ZNF746: variants seen among roughly 807,000 people sequenced by gnomAD.
The protein encoded by ZNF746 is zinc finger protein 746.
Under a neutral mutation model 41.0 loss-of-function variants are expected in ZNF746, and 13 were observed. The observed-to-expected ratio is 0.32, with a 90% CI of 0.21 to 0.50. The LOEUF is 0.50. ZNF746 is among the 20% of genes least tolerant of loss of function. ZNF746 has a pLI of 0.98. For synonymous variants in ZNF746, 424 were observed against 396.2 expected, an observed-to-expected ratio of 1.07 and a Z score of -0.83; for missense variants, 811 against 922.9, an observed-to-expected ratio of 0.88 and a Z score of 1.57.
At chr7:149,481,797 A>C (rs1800492953) in intron 4 of ZNF746, among the ~76,000 whole-genome samples, 1 of 152,256 alleles carries the variant, frequency 6.6e-6, no homozygotes, top group Non-Finnish European at 1.5e-5. Flanking sequence ...AAGGAGAGGC[A>C]GGAAAAATAC....
chr7:149,496,489 C>G (rs183443219), intron 1 of ZNF746, among the ~76,000 whole-genome samples: 9 of 152,312 alleles, frequency 5.9e-5, no homozygotes, highest in Non-Finnish European at 1.3e-4. Context: ...CAAACCCCTT[C>G]TTAGTCTCTC....
At position 149,497,458 on chromosome 7, in the gene ZNF746, C is replaced by A; in HGVS notation, c.24+55G>T. The A allele has an allele frequency of 9.3e-7, 1 of 1,075,210 alleles. No individual in the cohort carries two copies. Among genetic ancestry groups the A allele is most frequent in the South Asian group, 4.2e-5 (1 of 23,846 alleles). The allele number at this position is 1,075,210 out of a possible 1,614,324, so 66.6% of individuals were successfully genotyped here. On this transcript the variant is annotated intron_variant, in intron 1 of 6. Transcript: ENST00000458143. This position sits in a 1 kb window ranked among gnomAD's most constrained non-coding sequence, Gnocchi z 4.2. ...GGCCTGCGGCGCCGTGTGCCGGGGCCGGGCCGCCTGGGGCCCCCAGGCCGC... is the reference window on the plus strand; with the variant it reads ...GGCCTGCGGCGCCGTGTGCCGGGGCAGGGCCGCCTGGGGCCCCCAGGCCGC...
chr7:149,487,291 A>G (rs1800657105), intron 4 of ZNF746, among the ~76,000 whole-genome samples: 1 of 152,236 alleles, frequency 6.6e-6, no homozygotes, highest in Non-Finnish European at 1.5e-5. Context: ...ATATTTTTAA[A>G]AAGGAGAAAA....
At chr7:149,487,109 T>C (rs370697294) in intron 4 of ZNF746, among the ~76,000 whole-genome samples, 1 of 152,122 alleles carries the variant, frequency 6.6e-6, no homozygotes, top group Non-Finnish European at 1.5e-5. Context: ...CGAACCCTAT[T>C]GTGAACTGTG....
rs1345840614 is a variant in ZNF746 at position 149,474,589 on chromosome 7, C to A, written c.1778G>T (p.Arg593Leu). 6.2e-7 allele frequency: 1 copy of A among 1,611,984 alleles called. No homozygotes were observed. Among genetic ancestry groups the A allele is most frequent in the Non-Finnish European group, 8.5e-7 (1 of 1,178,898 alleles). The change falls in exon 7 of 7, where the codon CGC (arginine) becomes CTC (leucine). Residue 593 changes from arginine to leucine, a missense_variant. Coordinates refer to ENST00000458143, the MANE Select transcript of ZNF746 (RefSeq NM_001394198.1). The surrounding 1 kb of genome is among the most constrained non-coding windows in gnomAD (Gnocchi z 6.3). ...CTGGTGCTTGCGGAGGTGGTCCTTGCGGATGAAGCTTTTGCCGCAGACGGT... is the reference window on the plus strand; with the variant it reads ...CTGGTGCTTGCGGAGGTGGTCCTTGAGGATGAAGCTTTTGCCGCAGACGGT... ...TCTVCGKSFI[R>L]KDHLRKHQRN... is the part of the protein sequence containing the mutation.
chr7:149,481,649 C>T (rs558892079), intron 4 of ZNF746, among the ~76,000 whole-genome samples: 8 of 151,910 alleles, frequency 5.3e-5, no homozygotes, highest in African/African-American at 1.9e-4. Context: ...TACCATCAGA[C>T]CCACAAAAAA....
chr7:149,492,697 A>T (rs1401241712), intron 4 of ZNF746, among the ~76,000 whole-genome samples, 162 bp downstream of exon 4: 11 of 152,246 alleles, frequency 7.2e-5, no homozygotes, highest in Admixed American at 7.2e-4. Flanking sequence ...TAGCTGACTA[A>T]GTTAGAGATT....
Position 149,474,336 on chromosome 7 carries a change from G to C in ZNF746, c.*48C>G. ...CCACGCCGCCCTGCTGCCTGCACAC[G>C]GGGCTTTTTACACGTGCGGCCGGCA... On this transcript the variant is annotated 3_prime_UTR_variant, in exon 7 of 7. Coordinates refer to ENST00000458143, the MANE Select transcript of ZNF746 (RefSeq NM_001394198.1). This position sits in a 1 kb window ranked among gnomAD's most constrained non-coding sequence, Gnocchi z 6.3. 1 of 1,560,282 alleles carries C rather than the reference G, an allele frequency of 6.4e-7. No individual in the cohort carries two copies. Among genetic ancestry groups the C allele is most frequent in the Non-Finnish European group, 8.7e-7 (1 of 1,152,456 alleles).
chr7:149,474,975 G>A lies in ZNF746; in HGVS notation c.1392C>T (p.Pro464=), dbSNP rs1182821750. Residue 464 remains proline, a synonymous_variant, in exon 7 of 7, where the codon CCC becomes CCT. Coordinates refer to ENST00000458143, the MANE Select transcript of ZNF746 (RefSeq NM_001394198.1). The surrounding 1 kb of genome is among the most constrained non-coding windows in gnomAD (Gnocchi z 6.3). ...PGLKKHPAAP[P]GGRPFTCATC... ...TGGCGCAGGTGAAGGGCCGGCCCCCGGGGGGCGCCGCGGGGTGCTTCTTCA... is the reference window on the plus strand; with the variant it reads ...TGGCGCAGGTGAAGGGCCGGCCCCCAGGGGGCGCCGCGGGGTGCTTCTTCA... The A allele has an allele frequency of 9.0e-6, 14 of 1,547,522 alleles. No homozygotes were observed. Among genetic ancestry groups the A allele is most frequent in the Middle Eastern group, 1.7e-4 (1 of 5,724 alleles).
In ZNF746 at chr7:149,474,663, C is replaced by T. The variant is rs1173052336; in HGVS notation, c.1704G>A (p.Lys568=). 4.0e-5 allele frequency: 64 copies of T among 1,613,278 alleles called. No individual in the cohort carries two copies. Among genetic ancestry groups the T allele is most frequent in the Non-Finnish European group, 5.0e-5 (59 of 1,179,794 alleles). Residue 568 remains lysine (K), a synonymous_variant, in exon 7 of 7, where the codon AAG becomes AAA. Transcript: ENST00000458143. This position sits in a 1 kb window ranked among gnomAD's most constrained non-coding sequence, Gnocchi z 6.3. ...ECEKRFTERS[K]LIDHYRTHTG... ...TGTGCGTTCGGTAGTGGTCGATGAG[C>T]TTGGAGCGTTCGGTGAAGCGCTTCT...
At chr7:149,481,798 G>A (rs1183835692) in intron 4 of ZNF746, among the ~76,000 whole-genome samples, 1 of 152,038 alleles carries the variant, frequency 6.6e-6, no homozygotes, top group Non-Finnish European at 1.5e-5. Flanking sequence ...AGGAGAGGCA[G>A]GAAAAATACA....
intron 4 of ZNF746, among the ~76,000 whole-genome samples, chr7:149,479,105 T>C (rs1800409219): frequency 6.6e-6 from 1 of 151,994 alleles, no homozygotes; most frequent in African/African-American, 2.4e-5. Flanking sequence ...GTAATGGCAA[T>C]AGGTAAAGAA....
Position 149,483,280 on chromosome 7 carries a change from T to TA in ZNF746, c.566-5526dup, listed in dbSNP as rs200138215. ...TATGGGCTACAGCTACAATGGTACT[T>TA]AGAGGAAATTTTATAGCCTTGTATG... is the stretch of plus-strand genomic sequence containing the variant. On this transcript the variant is annotated intron_variant, in intron 4 of 6. Transcript: ENST00000458143. Among the ~76,000 whole-genome samples the TA allele has an allele frequency of 8.0e-3, 1,214 of 152,268 alleles. 18 individuals carry two copies. The highest frequency in any genetic ancestry group is 0.028 in the African/African-American group (1,159 of 41,544).
rs747194831 is a variant in ZNF746, at chr7:149,475,274, C to G, written c.1093G>C (p.Ala365Pro). The change falls in exon 7 of 7, where the codon GCC becomes CCC. Residue 365 changes from alanine to proline, a missense_variant. Transcript: ENST00000458143. ...QDPVLGLREP[A>P]RPERDMGELS... Reference sequence around the variant, plus strand: ...TCACCCATGTCCCTCTCAGGCCGGGCGGGCTCTCGCAGCCCCAGCACAGGG... The same window carrying G: ...TCACCCATGTCCCTCTCAGGCCGGGGGGGCTCTCGCAGCCCCAGCACAGGG... 6.2e-7 allele frequency: 1 copy of G among 1,613,116 alleles called. No individual in the cohort carries two copies. Among genetic ancestry groups the G allele is most frequent in the Non-Finnish European group, 8.5e-7 (1 of 1,179,600 alleles).
chr7:149,477,173 G>A, intron 5 of ZNF746, 126 bp from the exon 6 acceptor site: 2 of 1,192,932 alleles, frequency 1.7e-6, no homozygotes, highest in Non-Finnish European at 2.3e-6. Flanking sequence ...GTGGGCACGA[G>A]GACCCAACCT....
rs143589432 is a variant in ZNF746, at chr7:149,487,097, C to T, written c.565+5762G>A. On this transcript the variant is annotated intron_variant, in intron 4 of 6. Coordinates refer to ENST00000458143, the MANE Select transcript of ZNF746 (RefSeq NM_001394198.1). ...TGGTGGCATTAGAGTCTAACAGCAG[C>T]GCGAACCCTATTGTGAACTGTGCAT... 3.0e-3 allele frequency among the ~76,000 whole-genome samples: 453 copies of T among 152,180 alleles called. 2 individuals are homozygous for T. The highest frequency in any genetic ancestry group is 0.01 in the African/African-American group (432 of 41,504).
chr7:149,493,806 C>G (rs1210557451), intron 3 of ZNF746, among the ~76,000 whole-genome samples, 183 bp downstream of exon 3: 1 of 152,192 alleles, frequency 6.6e-6, no homozygotes, highest in African/African-American at 2.4e-5. Flanking sequence ...AAACTCAACA[C>G]AGGGAGAAGG....
rs747214874 is a variant in ZNF746 at position 149,475,462 on chromosome 7, T to C, written c.905A>G (p.Lys302Arg). ...STEADVKIVI[K>R]TEVQEEEVVA... ...CACCTCCTCTTCCTGGACTTCTGTT[T>C]TTATTACAATTTTTACATCTGCTGA... Residue 302 changes from lysine to arginine, a missense_variant, in exon 7 of 7, where the codon AAA (lysine) becomes AGA (arginine). Physicochemically the swap from Lys to Arg is conservative, Grantham distance 26. Transcript: ENST00000458143. The C allele has an allele frequency of 1.2e-6, 2 of 1,612,268 alleles. No individual in the cohort carries two copies. The highest frequency in any genetic ancestry group is 3.3e-5 in the Admixed American group (2 of 59,866).
intron 3 of ZNF746, among the ~76,000 whole-genome samples, chr7:149,493,467 G>A (rs184790034): frequency 6.6e-6 from 1 of 152,262 alleles, no homozygotes; most frequent in Admixed American, 6.5e-5. Context: ...CAGAGTCCAG[G>A]CCCTTCCTGG....
Sources: gnomAD v4.1 joint callset for allele counts (sites outside exome capture counted in the v4.1 genomes callset) on GRCh38, gnomAD v4.1.1 for gene constraint, Gnocchi (gnomAD v3.1) non-coding constraint, MANE v1.5 for transcripts, NCBI Gene and HGNC (gene_info 2026-07-23, HGNC 2026-07-21) for gene names.